Variants in PLCH1 observed in about 807,000 individuals in gnomAD.
PLCH1 encodes phospholipase C eta 1.
Under a neutral mutation model 126.7 loss-of-function variants are expected in PLCH1, and 60 were observed. The observed-to-expected ratio is 0.47, with a 90% confidence interval of 0.38 to 0.59. The LOEUF is 0.59. Ranked by LOEUF, PLCH1 falls within the 20% of genes least tolerant of loss-of-function variation. PLCH1 has a pLI of 0.00. For missense variants in PLCH1, 1,723 were observed against 2,040.0 expected (o/e 0.84, Z 2.99); for synonymous variants, 719 against 734.9 (o/e 0.98, Z 0.35).
rs1282168282 is a variant in PLCH1, at chr3:155,701,839, TAGA to T, written c.79+2304_79+2306del. On this transcript the variant is annotated intron_variant, in intron 2 of 22. Coordinates refer to ENST00000460012, the MANE Select transcript of PLCH1 (RefSeq NM_014996.4). Reference sequence around the variant, plus strand: ...TTAACAGATTCATTTTCAGCAGAGGTAGAAGAAGAGCAAAAGGCATCTTTCTTT... The same window carrying T: ...TTAACAGATTCATTTTCAGCAGAGGTAGAAGAGCAAAAGGCATCTTTCTTT... Among the ~76,000 whole-genome samples, 4 of 152,194 alleles carry T rather than the reference TAGA, an allele frequency of 2.6e-5. No homozygotes were observed. The South Asian group carries it at 8.3e-4, about 31-fold the overall frequency.
chr3:155,594,377 C>T (rs965625814), intron 3 of PLCH1, among the ~76,000 whole-genome samples, 193 bp from the exon 4 acceptor site: 18 of 151,850 alleles, frequency 1.2e-4, no homozygotes, highest in African/African-American at 4.1e-4. Context: ...TCGAGACCAG[C>T]CTGGGCAACA....
At chr3:155,585,074 A>G (rs1731183284) in intron 5 of PLCH1, among the ~76,000 whole-genome samples, 1 of 152,010 alleles carries the variant, frequency 6.6e-6, no homozygotes, top group Non-Finnish European at 1.5e-5. Flanking sequence ...AGCAAATCTC[A>G]TTCCTTCCTC....
intron 10 of PLCH1, among the ~76,000 whole-genome samples, chr3:155,543,445 C>A (rs1206252727): frequency 6.6e-6 from 1 of 151,998 alleles, no homozygotes; most frequent in African/African-American, 2.4e-5. Context: ...GAGAATGGAA[C>A]CAAGTTGGAA....
intron 21 of PLCH1, among the ~76,000 whole-genome samples, chr3:155,455,397 A>G (rs1712414652): frequency 6.6e-6 from 1 of 152,220 alleles, no homozygotes; most frequent in Non-Finnish European, 1.5e-5. Context: ...TTTGATCTGA[A>G]CTGGCATTGG....
At chr3:155,620,788 C>T (rs917638371) in intron 2 of PLCH1, among the ~76,000 whole-genome samples, 1 of 152,222 alleles carries the variant, frequency 6.6e-6, no homozygotes, top group African/African-American at 2.4e-5. Flanking sequence ...AAAGCCCCAT[C>T]TCCCTGGGAC....
At chr3:155,475,199 T>C (rs117663526), downstream of PLCH1, among the ~76,000 whole-genome samples, 56 of 151,774 alleles carry the variant, frequency 3.7e-4, no homozygotes, top group East Asian at 4.3e-3. Context: ...AATTAAACAA[T>C]ATGTTCCTGA....
chr3:155,738,800 A>T (rs1244478137), intron 1 of PLCH1, among the ~76,000 whole-genome samples: 1 of 151,822 alleles, frequency 6.6e-6, no homozygotes, highest in Non-Finnish European at 1.5e-5. Flanking sequence ...AAAAAAAAAA[A>T]AATAGCATAA....
At chr3:155,712,288 G>T (rs1747178469) in intron 1 of PLCH1, among the ~76,000 whole-genome samples, 1 of 152,166 alleles carries the variant, frequency 6.6e-6, no homozygotes, top group African/African-American at 2.4e-5. Context: ...CTTTCCCTAG[G>T]GATGTGATGC....
intron 7 of PLCH1, among the ~76,000 whole-genome samples, chr3:155,566,338 TAC>T (rs369605012): frequency 1.5e-3 from 15 of 9,794 alleles, no homozygotes; most frequent in South Asian, 6.3e-3. Context: ...TACGTATATA[TAC>T]ACATATATAT....
At chr3:155,559,272 C>G (rs1727257831) in intron 8 of PLCH1, among the ~76,000 whole-genome samples, 1 of 152,076 alleles carries the variant, frequency 6.6e-6, no homozygotes, top group African/African-American at 2.4e-5. Flanking sequence ...ATTATTCCCT[C>G]TTTCTTGGTG....
chr3:155,568,866 A>C (rs1482733974), intron 6 of PLCH1, among the ~76,000 whole-genome samples: 2 of 152,050 alleles, frequency 1.3e-5, no homozygotes, highest in African/African-American at 4.8e-5. Context: ...GGAAATAAAA[A>C]TGAAAAGCTA....
intron 6 of PLCH1, among the ~76,000 whole-genome samples, chr3:155,573,834 T>A (rs1274270758): frequency 6.6e-6 from 1 of 152,200 alleles, no homozygotes; most frequent in Non-Finnish European, 1.5e-5. Context: ...ATATGGCAGT[T>A]ATTATAGCCA....
rs554917154 is a variant in PLCH1, at chr3:155,452,033, T to TTC, written c.2938+33321_2938+33322dup. On this transcript the variant is annotated intron_variant, in intron 21 of 21. Coordinates refer to the PLCH1 transcript ENST00000494598. ...TGTCTCTCTCTCACACACACATACA[T>TTC]TCTCTCTCTCTATCTCCTACTGGCC... 2.4e-4 allele frequency among the ~76,000 whole-genome samples: 36 copies of TTC among 152,200 alleles called. 2 individuals are homozygous for TTC. In the East Asian group the frequency reaches 6.9e-3, roughly 29 times the overall value.
chr3:155,509,321 A>AT (rs1560088528), intron 12 of PLCH1, among the ~76,000 whole-genome samples: 3 of 101,228 alleles, frequency 3.0e-5, no homozygotes, highest in African/African-American at 6.1e-5. Context: ...GGATTCTTTG[A>AT]TTTTTTGAAG....
At chr3:155,475,832 A>G (rs564381), downstream of PLCH1, among the ~76,000 whole-genome samples, 150,295 of 152,228 alleles carry the variant, frequency 0.99, 74,200 homozygotes, top group East Asian at 1. Flanking sequence ...AAAGTCTCTC[A>G]GTAGAGAAAA....
At position 155,481,867 on chromosome 3, in the gene PLCH1, C is replaced by T; in HGVS notation, c.4159G>A (p.Gly1387Ser). 2 of 1,614,092 alleles carry T rather than the reference C, an allele frequency of 1.2e-6. No individual in the cohort carries two copies. The highest frequency in any genetic ancestry group is 1.7e-6 in the Non-Finnish European group (2 of 1,180,006). Residue 1387 changes from glycine to serine, a missense_variant, in exon 23 of 23, where the codon GGT (glycine) becomes AGT (serine). Gly to Ser is a moderately conservative substitution (Grantham distance 56). This residue lies in a region of PLCH1 where 947 missense variants were observed against 977.1 expected (regional missense o/e 0.97). Transcript: ENST00000460012. This position sits in a 1 kb window ranked among gnomAD's most constrained non-coding sequence, Gnocchi z 4.2. ...ASPLKLKYNQ[G>S]VVEHFQRGLR... ...CCTCTTTGAAAGTGTTCTACCACAC[C>T]CTGATTGTACTTGAGTTTTAAAGGA...
intron 2 of PLCH1, chr3:155,658,535 A>G (rs548693253): frequency 6.6e-6 from 1 of 152,360 alleles, no homozygotes; most frequent in South Asian, 2.1e-4. Flanking sequence ...GTGGACTTGC[A>G]CATTTTACTA....
At position 155,530,599 on chromosome 3, in the gene PLCH1, T is replaced by C. The variant is rs555579611; in HGVS notation, c.1363-6595A>G. ...CCCACAGGCTCCACTTCTAGTTCTC[T>C]TGTTATTTCTAACACATCTACAGTG... On this transcript the variant is annotated intron_variant, in intron 10 of 22. Transcript: ENST00000460012. Among the ~76,000 whole-genome samples, 146 of 129,094 alleles carry C rather than the reference T, an allele frequency of 1.1e-3. 2 individuals are homozygous for C. Among genetic ancestry groups the C allele is most frequent in the African/African-American group, 3.8e-3 (130 of 34,492 alleles). The allele number at this position is 129,094 out of a possible 152,430, so 84.7% of individuals were successfully genotyped here.
chr3:155,572,744 G>C (rs1443020446), intron 6 of PLCH1, among the ~76,000 whole-genome samples: 1 of 149,648 alleles, frequency 6.7e-6, no homozygotes, highest in East Asian at 2.0e-4. Context: ...TATTTCTTAA[G>C]AGACAGGTCC....
Sources: allele counts gnomAD v4.1 joint callset (sites outside exome capture counted in the v4.1 genomes callset), GRCh38; gene constraint gnomAD v4.1.1; regional missense constraint gnomAD v4.1.1; non-coding constraint Gnocchi (gnomAD v3.1); transcripts MANE v1.5; gene names NCBI Gene and HGNC (gene_info 2026-07-23, HGNC 2026-07-21).